The following GLIS3 variants were observed in gnomAD, a reference collection of about 807,000 sequenced individuals.
GLIS3 encodes zinc finger protein GLIS3.
GLIS3 carries 53 observed loss-of-function variants against 78.6 expected under a neutral mutation model. The observed-to-expected ratio is 0.67, with a 90% CI of 0.54 to 0.85. The LOEUF (loss-of-function observed/expected upper bound fraction) is 0.85, where lower values mean the gene tolerates loss of function less well. GLIS3 is among the 40% of genes least tolerant of loss of function. The pLI is 0.00. For synonymous variants in GLIS3, 684 were observed against 509.9 expected (o/e 1.34, Z -4.60); for missense variants, 1,703 against 1,231.1 (o/e 1.38, Z -5.74).
chr9:3,840,498 G>T (rs1270209327), intron 9 of GLIS3, among the ~76,000 whole-genome samples: 1 of 152,184 alleles, frequency 6.6e-6, no homozygotes, highest in Non-Finnish European at 1.5e-5. Context: ...TAGGAAGACA[G>T]ATTTTTCTGC....
At chr9:3,905,592 C>G (rs934740626) in intron 6 of GLIS3, among the ~76,000 whole-genome samples, 2 of 152,156 alleles carry the variant, frequency 1.3e-5, no homozygotes, top group African/African-American at 4.8e-5. Context: ...TGGTGCTCAT[C>G]ATTCCTCACC....
upstream of GLIS3, among the ~76,000 whole-genome samples, chr9:4,351,348 T>C (rs1033894608): frequency 2.1e-5 from 3 of 145,236 alleles, no homozygotes; most frequent in African/African-American, 7.7e-5. Context: ...GAAGCTTCAG[T>C]GAACTGTAAT....
At position 3,827,684 on chromosome 9, in the gene GLIS3, A is replaced by G. The variant is rs1817800118; in HGVS notation, c.*588T>C. 6.4e-6 allele frequency: 1 copy of G among 156,570 alleles called. No individual in the cohort carries two copies. The highest frequency in any genetic ancestry group is 6.1e-5 in the Admixed American group (1 of 16,504). 9.7% of individuals were successfully genotyped at this position (156,570 alleles called of 1,614,324 possible). A position where few individuals can be genotyped will look rare whatever the true frequency, so the allele number is the denominator to read the frequency against. On this transcript the variant is annotated 3_prime_UTR_variant, in exon 11 of 11. Coordinates refer to ENST00000381971, the MANE Select transcript of GLIS3 (RefSeq NM_001042413.2). ...AAACAAGGATAGGCTGCTGGCATAT[A>G]AAACCTTATTTTTCTATTGAAGAGA...
At chr9:4,168,844 C>A (rs1009690021) in intron 2 of GLIS3, among the ~76,000 whole-genome samples, 3 of 152,154 alleles carry the variant, frequency 2.0e-5, no homozygotes, top group African/African-American at 4.8e-5. Flanking sequence ...AAGCCTTGGT[C>A]CCTCGTTAGG....
intron 7 of GLIS3, among the ~76,000 whole-genome samples, chr9:3,884,062 A>T (rs1030814223): frequency 6.6e-6 from 1 of 152,198 alleles, no homozygotes; most frequent in South Asian, 2.1e-4. Context: ...CTGTTGATCT[A>T]TGTGGTTCTC....
intron 9 of GLIS3, among the ~76,000 whole-genome samples, chr9:3,848,954 C>T (rs371453077): frequency 2.0e-5 from 3 of 152,212 alleles, no homozygotes; most frequent in African/African-American, 7.2e-5. Flanking sequence ...ATGGGAAAGA[C>T]AGCTCAGGAA....
chr9:4,031,126 C>T (rs749279553), intron 4 of GLIS3, among the ~76,000 whole-genome samples: 5 of 152,042 alleles, frequency 3.3e-5, no homozygotes, highest in East Asian at 1.9e-4. Context: ...CTATATGACC[C>T]GACAATTCTA....
At chr9:3,897,138 T>C (rs1331584172) in intron 7 of GLIS3, among the ~76,000 whole-genome samples, 1 of 152,188 alleles carries the variant, frequency 6.6e-6, no homozygotes, top group Non-Finnish European at 1.5e-5. Context: ...TAGATATGGA[T>C]AGCATTGCTT....
chr9:4,107,139 A>G (rs1007755740), intron 4 of GLIS3, among the ~76,000 whole-genome samples: 6 of 152,218 alleles, frequency 3.9e-5, no homozygotes, highest in Admixed American at 3.9e-4. Context: ...GTCGCCACTC[A>G]TGGAAAGCTC....
intron 2 of GLIS3, among the ~76,000 whole-genome samples, chr9:4,195,462 T>A (rs1290229223): frequency 1.3e-5 from 2 of 152,152 alleles, no homozygotes; most frequent in Admixed American, 1.3e-4. Context: ...GCAGAGGGGA[T>A]GCCGGGTCCC....
chr9:4,322,493 G>C (rs1391271963), intron 2 of GLIS3, among the ~76,000 whole-genome samples: 2 of 152,192 alleles, frequency 1.3e-5, no homozygotes, highest in Non-Finnish European at 2.9e-5. Context: ...TTCCACAATG[G>C]TTCAACTAGT....
the GLIS3 span, among the ~76,000 whole-genome samples, chr9:4,396,541 C>A: frequency 6.6e-6 from 1 of 152,136 alleles, no homozygotes; most frequent in East Asian, 1.9e-4. Flanking sequence ...TTCTTAGTGA[C>A]AAAATTTCTA....
At chr9:4,167,883 C>G (rs1035808263) in intron 2 of GLIS3, among the ~76,000 whole-genome samples, 5 of 152,142 alleles carry the variant, frequency 3.3e-5, no homozygotes, top group Non-Finnish European at 7.3e-5. Context: ...TTTCAAGGTG[C>G]CACTTTCGGT....
In GLIS3 at chr9:4,231,178, G is replaced by C. The variant is rs540004950; in HGVS notation, c.388+54860C>G. Among the ~76,000 whole-genome samples the C allele has an allele frequency of 2.6e-5, 4 of 152,192 alleles. No individual in the cohort carries two copies. In the South Asian group the frequency reaches 6.2e-4, roughly 24 times the overall value. On this transcript the variant is annotated intron_variant, in intron 2 of 10. Transcript: ENST00000381971. ...TTATGAAAATTAAAAAGCAGAGTAAGAACAGGTAGATATAAAAAACAATTA... is the reference window on the plus strand; with the variant it reads ...TTATGAAAATTAAAAAGCAGAGTAACAACAGGTAGATATAAAAAACAATTA...
intron 2 of GLIS3, among the ~76,000 whole-genome samples, chr9:4,196,515 C>A (rs1818865183): frequency 6.6e-6 from 1 of 152,214 alleles, no homozygotes; most frequent in Non-Finnish European, 1.5e-5. Flanking sequence ...TAAAGTTCTG[C>A]AGCTTCACTC....
chr9:4,061,028 T>C (rs560885870), intron 4 of GLIS3, among the ~76,000 whole-genome samples: 11 of 152,186 alleles, frequency 7.2e-5, no homozygotes, highest in African/African-American at 2.6e-4. Context: ...TCAGTTACAC[T>C]TCTGCATCAT....
intron 2 of GLIS3, among the ~76,000 whole-genome samples, chr9:4,163,278 G>A (rs569737519): frequency 1.7e-4 from 26 of 152,056 alleles, no homozygotes; most frequent in South Asian, 2.1e-4. Context: ...ACGCGCACGC[G>A]CGCACACATA....
chr9:4,016,689 G>A (rs1303259872), intron 4 of GLIS3, among the ~76,000 whole-genome samples: 3 of 151,428 alleles, frequency 2.0e-5, no homozygotes, highest in African/African-American at 7.2e-5. Flanking sequence ...CTGCTCTGAT[G>A]TGGACTTGAA....
intron 4 of GLIS3, among the ~76,000 whole-genome samples, chr9:4,017,377 A>C (rs1822525175): frequency 6.6e-6 from 1 of 152,212 alleles, no homozygotes; most frequent in South Asian, 2.1e-4. Context: ...TGAATGCAAA[A>C]GATACAAAGT....
Sources: allele counts gnomAD v4.1 joint callset (sites outside exome capture counted in the v4.1 genomes callset), GRCh38; gene constraint gnomAD v4.1.1; transcripts MANE v1.5; gene names NCBI Gene and HGNC (gene_info 2026-07-23, HGNC 2026-07-21).